The following THSD7B variants were observed in gnomAD, a reference collection of about 807,000 sequenced individuals.
The protein encoded by THSD7B is thrombospondin type-1 domain-containing protein 7B.
THSD7B carries 138 observed loss-of-function variants against 213.6 expected under a neutral mutation model. The ratio of observed to expected loss-of-function variants is 0.65; its 90% CI spans 0.56 to 0.74. THSD7B has a LOEUF of 0.74. THSD7B is among the 30% of genes least tolerant of loss of function. The pLI, the probability that THSD7B is intolerant of heterozygous loss-of-function variation, is 0.00. For missense variants in THSD7B, 1,931 were observed against 1,991.5 expected (o/e 0.97, Z 0.58); for synonymous variants, 742 against 687.0 (o/e 1.08, Z -1.25).
chr2:137,182,870 A>G (rs921962659), intron 7 of THSD7B, among the ~76,000 whole-genome samples: 1 of 152,174 alleles, frequency 6.6e-6, no homozygotes, highest in African/African-American at 2.4e-5. Context: ...TTGCTGTGAG[A>G]AATGGAAATT....
chr2:137,181,190 G>A (rs76640269), intron 7 of THSD7B, among the ~76,000 whole-genome samples: 1,846 of 152,268 alleles, frequency 0.012, 33 homozygotes, highest in African/African-American at 0.04. Context: ...GAGAAGTAGA[G>A]TTTCTGAAAA....
At chr2:136,820,288 A>C (rs1682545932) in intron 1 of THSD7B, among the ~76,000 whole-genome samples, 1 of 152,194 alleles carries the variant, frequency 6.6e-6, no homozygotes, top group South Asian at 2.1e-4. Flanking sequence ...TCATTTACTA[A>C]TTCCAAGGGG....
intron 1 of THSD7B, among the ~76,000 whole-genome samples, chr2:136,856,214 A>G (rs1466325201): frequency 6.6e-6 from 1 of 152,198 alleles, no homozygotes; most frequent in Admixed American, 6.5e-5. Context: ...TGATGAACGG[A>G]TGATTCCCAC....
At chr2:137,098,183 C>T (rs1324945141) in intron 4 of THSD7B, among the ~76,000 whole-genome samples, 1 of 152,176 alleles carries the variant, frequency 6.6e-6, no homozygotes, top group African/African-American at 2.4e-5. Flanking sequence ...CCTTATTTCT[C>T]TCCAAGAAGT....
At chr2:137,039,139 C>G (rs1197081148) in intron 2 of THSD7B, among the ~76,000 whole-genome samples, 2 of 152,070 alleles carry the variant, frequency 1.3e-5, no homozygotes, top group East Asian at 3.9e-4. Context: ...AGTGGCACTT[C>G]TTTTATTCTT....
At chr2:137,631,586 G>GT (rs1376149471) in intron 20 of THSD7B, among the ~76,000 whole-genome samples, 1 of 152,076 alleles carries the variant, frequency 6.6e-6, no homozygotes, top group African/African-American at 2.4e-5. Flanking sequence ...ACTTCCAGCT[G>GT]TTTTTTCTAG....
intron 15 of THSD7B, among the ~76,000 whole-genome samples, chr2:137,453,345 T>TC (rs1169469920): frequency 5.4e-4 from 79 of 145,792 alleles, no homozygotes; most frequent in African/African-American, 2.0e-3. Flanking sequence ...TTTTTTTTTT[T>TC]TTGAGACAGA....
At chr2:137,409,032 CA>C (rs1379484726) in intron 13 of THSD7B, among the ~76,000 whole-genome samples, 2 of 152,176 alleles carry the variant, frequency 1.3e-5, no homozygotes, top group Non-Finnish European at 2.9e-5. Flanking sequence ...CAGAGTGGTA[CA>C]ATGTAGGCTA....
At chr2:136,807,992 G>A (rs148700310) in intron 1 of THSD7B, among the ~76,000 whole-genome samples, 1 of 152,186 alleles carries the variant, frequency 6.6e-6, no homozygotes, top group African/African-American at 2.4e-5. Flanking sequence ...ATACATGTGT[G>A]TATACACTAT....
chr2:136,899,599 G>T (rs1684030561), intron 2 of THSD7B, among the ~76,000 whole-genome samples: 1 of 152,152 alleles, frequency 6.6e-6, no homozygotes, highest in African/African-American at 2.4e-5. Flanking sequence ...TGAAAATCTT[G>T]TTCATTGCAT....
chr2:137,513,946 C>T (rs1324697176), intron 15 of THSD7B, among the ~76,000 whole-genome samples: 1 of 152,166 alleles, frequency 6.6e-6, no homozygotes, highest in Non-Finnish European at 1.5e-5. Context: ...TTTTATATGC[C>T]TCAAAGTAGC....
At chr2:136,907,859 G>T (rs1684191600) in intron 2 of THSD7B, among the ~76,000 whole-genome samples, 1 of 152,168 alleles carries the variant, frequency 6.6e-6, no homozygotes, top group Non-Finnish European at 1.5e-5. Context: ...GAAAATAAAT[G>T]TCACCAACAT....
intron 5 of THSD7B, among the ~76,000 whole-genome samples, chr2:137,128,072 A>G (rs906990880): frequency 6.6e-6 from 1 of 152,200 alleles, no homozygotes; most frequent in African/African-American, 2.4e-5. Flanking sequence ...TATTACTGGT[A>G]ATATTTTCTT....
intron 2 of THSD7B, among the ~76,000 whole-genome samples, chr2:136,930,855 T>C (rs1188137483): frequency 1.3e-5 from 2 of 152,126 alleles, no homozygotes; most frequent in African/African-American, 4.8e-5. Context: ...TGATTATATA[T>C]TTATAATCGA....
chr2:137,078,116 G>T (rs990583009), intron 3 of THSD7B, among the ~76,000 whole-genome samples: 1 of 152,140 alleles, frequency 6.6e-6, no homozygotes, highest in African/African-American at 2.4e-5. Flanking sequence ...TGTCAGGTTT[G>T]TCAAAGATCA....
At position 137,405,703 on chromosome 2, in the gene THSD7B, GCA is replaced by G. The variant is rs1686500926; in HGVS notation, c.2594_2595del (p.Thr865SerfsTer23). ...GGCATGCCTCTCCTTGTGCAAGAATGCACAGTCCCATGTCGAGAAGACTGCAC... is the reference window on the plus strand; with the variant it reads ...GGCATGCCTCTCCTTGTGCAAGAATGCAGTCCCATGTCGAGAAGACTGCAC... On this transcript the variant is annotated frameshift_variant, in exon 13 of 28. Transcript: ENST00000409968. LOFTEE classifies it high-confidence loss of function. 1 of 1,613,670 alleles carries G rather than the reference GCA, an allele frequency of 6.2e-7. No individual in the cohort carries two copies. Among genetic ancestry groups the G allele is most frequent in the Non-Finnish European group, 8.5e-7 (1 of 1,179,846 alleles).
intron 12 of THSD7B, among the ~76,000 whole-genome samples, chr2:137,394,343 G>T (rs1686118922): frequency 7.7e-6 from 1 of 129,070 alleles, no homozygotes; most frequent in East Asian, 2.1e-4. Flanking sequence ...TTTGTATAAG[G>T]TGTAAGGAAG....
At chr2:137,486,292 T>A (rs1388295389) in intron 15 of THSD7B, among the ~76,000 whole-genome samples, 1 of 149,684 alleles carries the variant, frequency 6.7e-6, no homozygotes, top group Admixed American at 6.7e-5. Context: ...AATAAAAGGA[T>A]GGAGGAAGAT....
rs1330638977 is a variant in THSD7B at position 137,405,638 on chromosome 2, C to G, written c.2526C>G (p.Asn842Lys). The G allele has an allele frequency of 5.0e-6, 8 of 1,608,878 alleles. 1 individual carries two copies. Among genetic ancestry groups the G allele is most frequent in the African/African-American group, 4.0e-5 (3 of 74,608 alleles). The change falls in exon 13 of 28, where the codon AAC (asparagine) becomes AAG (lysine). Residue 842 changes from asparagine to lysine, a missense_variant. Physicochemically the swap from Asn to Lys is moderately conservative, Grantham distance 94 (BLOSUM62 0). Transcript: ENST00000409968. ...CTGTCTCATGCATCTCTGATGACAACCGGTCAGCAGAAATGATGGAATGCC... is the reference window on the plus strand; with the variant it reads ...CTGTCTCATGCATCTCTGATGACAAGCGGTCAGCAGAAATGATGGAATGCC... ...TRAVSCISDD[N>K]RSAEMMECLK...
Sources: allele counts gnomAD v4.1 joint callset (sites outside exome capture counted in the v4.1 genomes callset), GRCh38; gene constraint gnomAD v4.1.1; transcripts MANE v1.5; gene names NCBI Gene and HGNC (gene_info 2026-07-23, HGNC 2026-07-21).